Variants in NAV2 observed in about 807,000 individuals in gnomAD.
The protein encoded by NAV2 is neuron navigator 2, also known as helicase, APC down-regulated 1.
NAV2 carries 54 observed loss-of-function variants against 223.2 expected under a neutral mutation model. The ratio of observed to expected loss-of-function variants is 0.24; its 90% CI spans 0.19 to 0.30. The LOEUF is 0.30. Among genes scored for constraint, NAV2 ranks in the 10% least tolerant of loss-of-function variants. The pLI is 1.00. For synonymous variants in NAV2, 1,279 were observed against 1,239.3 expected, an observed-to-expected ratio of 1.03 and a Z score of -0.67; for missense variants, 2,806 against 3,147.5, an observed-to-expected ratio of 0.89 and a Z score of 2.60.
intron 1 of NAV2, among the ~76,000 whole-genome samples, chr11:19,431,706 A>C (rs1851042908): frequency 6.6e-6 from 1 of 152,216 alleles, no homozygotes; most frequent in African/African-American, 2.4e-5. Flanking sequence ...GATAGAATTT[A>C]GATTAAGAGC....
intron 11 of NAV2, among the ~76,000 whole-genome samples, chr11:20,010,477 A>C (rs140737808): frequency 2.6e-5 from 4 of 152,134 alleles, no homozygotes; most frequent in African/African-American, 9.7e-5. Flanking sequence ...ATCCAGATGC[A>C]TTTGTGAGAT....
At chr11:19,827,245 C>T (rs1284600992) in intron 1 of NAV2, among the ~76,000 whole-genome samples, 1 of 152,088 alleles carries the variant, frequency 6.6e-6, no homozygotes, top group African/African-American at 2.4e-5. Flanking sequence ...ATAACATAGA[C>T]TGGCAGACTT....
At chr11:19,522,217 CAAG>C (rs1311125381) in intron 1 of NAV2, among the ~76,000 whole-genome samples, 1 of 152,116 alleles carries the variant, frequency 6.6e-6, no homozygotes. Flanking sequence ...TGCAGAACAG[CAAG>C]AAGGTGGGAG....
chr11:19,978,056 C>T (rs2049951243), intron 10 of NAV2, among the ~76,000 whole-genome samples: 1 of 151,616 alleles, frequency 6.6e-6, no homozygotes, highest in Non-Finnish European at 1.5e-5. Flanking sequence ...AGCTCCTGAC[C>T]TCTGGTGATC....
intron 1 of NAV2, among the ~76,000 whole-genome samples, chr11:19,637,398 C>T (rs1015759997): frequency 6.6e-6 from 1 of 152,218 alleles, no homozygotes; most frequent in African/African-American, 2.4e-5. Context: ...CCTCTGAGCT[C>T]ATGAATCCCT....
chr11:19,350,085 C>CTGATGATGATGG (rs1554903823), upstream of NAV2, among the ~76,000 whole-genome samples: 1 of 149,624 alleles, frequency 6.7e-6, no homozygotes, highest in Non-Finnish European at 1.5e-5. Flanking sequence ...CCTTATTCCT[C>CTGATGATGATGG]TGATGATGAT....
At chr11:20,005,704 C>T (rs80304201) in intron 11 of NAV2, among the ~76,000 whole-genome samples, 328 of 152,322 alleles carry the variant, frequency 2.2e-3, no homozygotes, top group South Asian at 6.0e-3. Context: ...CAAAGTATTT[C>T]ATCTCACTTC....
intron 1 of NAV2, among the ~76,000 whole-genome samples, chr11:19,418,989 A>C (rs979619008): frequency 1.3e-5 from 2 of 152,108 alleles, no homozygotes; most frequent in Admixed American, 6.5e-5. Context: ...GGGAGGAGGC[A>C]AGGATAACAG....
At chr11:19,960,115 CCCTGGGGCTTGATGG>C (rs2048228329) in intron 10 of NAV2, among the ~76,000 whole-genome samples, 1 of 152,204 alleles carries the variant, frequency 6.6e-6, no homozygotes, top group Non-Finnish European at 1.5e-5. Context: ...CCTGACTGTG[CCCTGGGGCTTGATGG>C]ACAAGAGGAG....
At chr11:19,487,270 G>A (rs1476264931) in intron 1 of NAV2, among the ~76,000 whole-genome samples, 1 of 152,140 alleles carries the variant, frequency 6.6e-6, no homozygotes, top group Non-Finnish European at 1.5e-5. Flanking sequence ...ATTCAGTGCT[G>A]AAAGGCATTC....
chr11:20,100,129 G>T (rs1470573380), intron 31 of NAV2, among the ~76,000 whole-genome samples: 1 of 152,176 alleles, frequency 6.6e-6, no homozygotes, highest in Non-Finnish European at 1.5e-5. Flanking sequence ...TTTCTTGAGA[G>T]TACCTTTTAA....
intron 11 of NAV2, among the ~76,000 whole-genome samples, chr11:19,994,472 G>A (rs1591577648): frequency 6.6e-6 from 1 of 152,030 alleles, no homozygotes; most frequent in East Asian, 1.9e-4. Context: ...GCTTGAACCG[G>A]GAGGTGGAGG....
chr11:19,393,273 C>T (rs1247286516), intron 1 of NAV2, among the ~76,000 whole-genome samples: 2 of 152,224 alleles, frequency 1.3e-5, no homozygotes, highest in African/African-American at 2.4e-5. Context: ...TCTTCTCATG[C>T]TGTTGACCAG....
In NAV2 at chr11:20,103,636, C is replaced by G; in HGVS notation, c.6573-17C>G. The G allele has an allele frequency of 6.2e-7, 1 of 1,613,710 alleles. No homozygotes were observed. The highest frequency in any genetic ancestry group is 1.3e-5 in the African/African-American group (1 of 75,036). ...GGCTTGGAATCACAGCTTTCTTTTCCTTTATTTTATCCGCAGCCCTTACAT... is the reference window on the plus strand; with the variant it reads ...GGCTTGGAATCACAGCTTTCTTTTCGTTTATTTTATCCGCAGCCCTTACAT... On this transcript the variant is annotated splice_polypyrimidine_tract_variant and intron_variant, in intron 33 of 37. Coordinates refer to ENST00000349880, the MANE Select transcript of NAV2 (RefSeq NM_145117.5).
At chr11:19,795,101 C>T (rs1322596669) in intron 1 of NAV2, among the ~76,000 whole-genome samples, 4 of 152,134 alleles carry the variant, frequency 2.6e-5, no homozygotes, top group Admixed American at 6.5e-5. Context: ...CCACAGTCTG[C>T]GCAAGGCTAT....
In NAV2 at chr11:19,576,953, T is replaced by C. The variant is rs149199558; in HGVS notation, c.75+225926T>C. The stretch of plus-strand genomic sequence containing the variant: ...TATATTTCTAAGGACAGCTCCCCCT[T>C]CTCTACTCTAATTCCTTGTTCACTA... On this transcript the variant is annotated intron_variant, in intron 1 of 37. Coordinates refer to the NAV2 transcript ENST00000360655. Among the ~76,000 whole-genome samples, 85 of 152,326 alleles carry C rather than the reference T, an allele frequency of 5.6e-4. 1 individual carries two copies. Among genetic ancestry groups the C allele is most frequent in the African/African-American group, 1.9e-3 (79 of 41,566 alleles).
At chr11:19,775,358 T>C (rs879407718) in intron 1 of NAV2, among the ~76,000 whole-genome samples, 1 of 152,208 alleles carries the variant, frequency 6.6e-6, no homozygotes, top group Non-Finnish European at 1.5e-5. Flanking sequence ...CTTGTAGTCA[T>C]TCAGTCTAAG....
At chr11:20,074,041 ATCTTTCC>A in intron 22 of NAV2, among the ~76,000 whole-genome samples, 1 of 152,106 alleles carries the variant, frequency 6.6e-6, no homozygotes, top group East Asian at 1.9e-4. Flanking sequence ...TCGATTTTAG[ATCTTTCC>A]TGCTTTCTCT....
chr11:19,923,048 G>A lies in NAV2; in HGVS notation c.932-10128G>A, dbSNP rs560248975. On this transcript the variant is annotated intron_variant, in intron 6 of 37. Coordinates refer to ENST00000349880, the MANE Select transcript of NAV2 (RefSeq NM_145117.5). ...ATAAAAGAAAGCAGGTATACCTTAT[G>A]GGTGTTTAATGCTCGAATGCATGAA... 5.3e-5 allele frequency among the ~76,000 whole-genome samples: 8 copies of A among 152,278 alleles called. No individual in the cohort carries two copies. The East Asian group carries it at 1.4e-3, about 26-fold the overall frequency.
Sources: allele counts gnomAD v4.1 joint callset (sites outside exome capture counted in the v4.1 genomes callset), GRCh38; gene constraint gnomAD v4.1.1; transcripts MANE v1.5; gene names NCBI Gene and HGNC (gene_info 2026-07-23, HGNC 2026-07-21).